Variants in RERE observed in about 807,000 individuals in gnomAD.
RERE encodes arginine-glutamic acid dipeptide repeats.
Under a neutral mutation model 146.1 loss-of-function variants are expected in RERE, and 40 were observed. The observed-to-expected ratio is 0.27, with a 90% CI of 0.21 to 0.36. The LOEUF (loss-of-function observed/expected upper bound fraction) is 0.36. RERE is among the 10% of genes least tolerant of loss of function. The pLI is 1.00. For missense variants in RERE, 1,933 were observed against 2,138.7 expected (o/e 0.90, Z 1.90); for synonymous variants, 1,003 against 866.0 (o/e 1.16, Z -2.78).
At chr1:8,483,507 G>C (rs1372436967) in intron 10 of RERE, among the ~76,000 whole-genome samples, 1 of 152,192 alleles carries the variant, frequency 6.6e-6, no homozygotes, top group Non-Finnish European at 1.5e-5. Context: ...AAATGAAAAT[G>C]ATCCTTAGAA....
At chr1:8,695,876 T>C (rs1273839614) in intron 1 of RERE, among the ~76,000 whole-genome samples, 3 of 151,992 alleles carry the variant, frequency 2.0e-5, no homozygotes, top group Non-Finnish European at 4.4e-5. Flanking sequence ...ACTTTAACAA[T>C]ACAACAAGCA....
At chr1:8,645,772 T>C (rs1368773002) in intron 2 of RERE, among the ~76,000 whole-genome samples, 1 of 152,192 alleles carries the variant, frequency 6.6e-6, no homozygotes, top group Non-Finnish European at 1.5e-5. Flanking sequence ...TTTCTCTAAT[T>C]AGAATAACTT....
chr1:8,702,772 C>T (rs1212248841), intron 1 of RERE, among the ~76,000 whole-genome samples: 2 of 152,034 alleles, frequency 1.3e-5, no homozygotes, highest in Non-Finnish European at 2.9e-5. Flanking sequence ...TTTTCTCTCC[C>T]CCCTCAAAAA....
intron 11 of RERE, among the ~76,000 whole-genome samples, chr1:8,460,767 G>A (rs192292692): frequency 4.6e-5 from 7 of 152,220 alleles, no homozygotes; most frequent in African/African-American, 1.7e-4. Flanking sequence ...GTTGCGGAAA[G>A]CGAATTCAAC....
intron 3 of RERE, among the ~76,000 whole-genome samples, chr1:8,616,405 T>C (rs1646853425): frequency 6.6e-6 from 1 of 152,296 alleles, no homozygotes; most frequent in South Asian, 2.1e-4. Flanking sequence ...TCTTGGACTA[T>C]TGAGTTGGTT....
intron 1 of RERE, among the ~76,000 whole-genome samples, chr1:8,749,582 A>T (rs188190062): frequency 6.6e-6 from 1 of 152,354 alleles, no homozygotes; most frequent in Non-Finnish European, 1.5e-5. Flanking sequence ...GGCAATTATG[A>T]TGAATGCAAT....
At chr1:8,563,690 G>A (rs377358261) in intron 4 of RERE, among the ~76,000 whole-genome samples, 2 of 152,182 alleles carry the variant, frequency 1.3e-5, no homozygotes, top group Non-Finnish European at 2.9e-5. Flanking sequence ...AGTCATGGGG[G>A]CTCTTGATTC....
At chr1:8,390,454 G>A (rs946128207) in intron 12 of RERE, among the ~76,000 whole-genome samples, 1 of 152,072 alleles carries the variant, frequency 6.6e-6, no homozygotes, top group Admixed American at 6.5e-5. Flanking sequence ...ACTAATCTAT[G>A]TCCCATAGTC....
intron 11 of RERE, among the ~76,000 whole-genome samples, chr1:8,462,366 A>G (rs960140720): frequency 6.6e-6 from 1 of 152,252 alleles, no homozygotes; most frequent in Non-Finnish European, 1.5e-5. Flanking sequence ...GGGGATCAGA[A>G]GTCAGCACGA....
chr1:8,598,465 C>T (rs747608674), intron 4 of RERE, among the ~76,000 whole-genome samples: 54 of 152,196 alleles, frequency 3.5e-4, no homozygotes, highest in Admixed American at 9.2e-4. Flanking sequence ...TGAGGCAGCA[C>T]GGTTCTCTCC....
intron 6 of RERE, among the ~76,000 whole-genome samples, chr1:8,554,597 TGAGCCCA>T (rs1645981605): frequency 6.8e-6 from 1 of 146,902 alleles, no homozygotes; most frequent in Non-Finnish European, 1.5e-5. Context: ...TAGGATTGCC[TGAGCCCA>T]GGAGTTTGAG....
rs1157900037 is a variant in RERE at position 8,364,072 on chromosome 1, C to T, written c.1724G>A (p.Arg575Gln). The stretch of plus-strand genomic sequence containing the variant: ...GGGACTCACCGAGCCCCGACTCCGC[C>T]GTGTCCTCATGCTATGCTTCCCACT... ...GLSGKHSMRT[R>Q]RSRGSMSTLR... The change falls in exon 15 of 23, where the codon CGG becomes CAG. Residue 575 changes from arginine to glutamine, a missense_variant. Coordinates refer to ENST00000400908, the MANE Select transcript of RERE (RefSeq NM_001042681.2). This position sits in a 1 kb window ranked among gnomAD's most constrained non-coding sequence, Gnocchi z 5.1. 1.2e-6 allele frequency: 2 copies of T among 1,614,144 alleles called. No homozygotes were observed. The highest frequency in any genetic ancestry group is 1.3e-5 in the African/African-American group (1 of 75,042).
intron 1 of RERE, among the ~76,000 whole-genome samples, chr1:8,679,575 A>C (rs886458804): frequency 6.6e-6 from 1 of 152,174 alleles, no homozygotes; most frequent in Non-Finnish European, 1.5e-5. Flanking sequence ...CAGACAGGCT[A>C]TATGTAATGA....
chr1:8,551,399 C>T (rs1484436115), intron 6 of RERE, among the ~76,000 whole-genome samples: 2 of 152,124 alleles, frequency 1.3e-5, no homozygotes, highest in South Asian at 4.1e-4. Flanking sequence ...TTACAAGTTA[C>T]AAGTTTATCT....
In RERE at chr1:8,469,352, C is replaced by T. The variant is rs562998846; in HGVS notation, c.1105-3329G>A. On this transcript the variant is annotated intron_variant, in intron 10 of 22. Transcript: ENST00000400908. ...TCAAAATCTTGGCTGGGCGCGGTGG[C>T]TCACGCCTGTAATCCCAGCACTCTG... 4.6e-5 allele frequency among the ~76,000 whole-genome samples: 7 copies of T among 152,320 alleles called. No individual in the cohort carries two copies. In the South Asian group the frequency reaches 8.3e-4, roughly 18 times the overall value.
At chr1:8,470,560 G>A (rs1430893229) in intron 10 of RERE, among the ~76,000 whole-genome samples, 1 of 151,944 alleles carries the variant, frequency 6.6e-6, no homozygotes, top group Non-Finnish European at 1.5e-5. Context: ...GCCCCAAAGA[G>A]ATATTTCTTG....
At position 8,703,758 on chromosome 1, in the gene RERE, A is replaced by G. The variant is rs566997245; in HGVS notation, c.-144-47317T>C. On this transcript the variant is annotated intron_variant, in intron 1 of 22. Coordinates refer to ENST00000400908, the MANE Select transcript of RERE (RefSeq NM_001042681.2). ...AGCTGCCTCTGCTTCTGCCAGGAAT[A>G]TTAATGCCAACCACCTCTGACGTCT... Among the ~76,000 whole-genome samples the G allele has an allele frequency of 5.3e-5, 8 of 152,366 alleles. No individual in the cohort carries two copies. The South Asian group carries it at 1.7e-3, about 32-fold the overall frequency.
intron 1 of RERE, among the ~76,000 whole-genome samples, chr1:8,766,411 G>A (rs1012366401): frequency 1.3e-5 from 2 of 151,804 alleles, no homozygotes; most frequent in Admixed American, 6.6e-5. Context: ...GTAGTGGCAC[G>A]CACCTATAAT....
chr1:8,776,354 G>A (rs1641063681), intron 1 of RERE, among the ~76,000 whole-genome samples: 1 of 152,168 alleles, frequency 6.6e-6, no homozygotes, highest in Admixed American at 6.5e-5. Flanking sequence ...CTGGAGTATG[G>A]TGGTGTGATA....
Sources: gnomAD v4.1 joint callset for allele counts (sites outside exome capture counted in the v4.1 genomes callset) on GRCh38, gnomAD v4.1.1 for gene constraint, Gnocchi (gnomAD v3.1) non-coding constraint, MANE v1.5 for transcripts, NCBI Gene and HGNC (gene_info 2026-07-23, HGNC 2026-07-21) for gene names.